PLXNA4: variants seen among roughly 807,000 people sequenced by gnomAD.
PLXNA4 encodes the protein plexin A4.
Under a neutral mutation model 191.8 loss-of-function variants are expected in PLXNA4, and 44 were observed. The observed-to-expected ratio is 0.23, with a 90% CI of 0.18 to 0.29. The LOEUF (loss-of-function observed/expected upper bound fraction) is 0.29, where lower values mean the gene tolerates loss of function less well. Among genes scored for constraint, PLXNA4 ranks in the 10% least tolerant of loss-of-function variants. The probability of loss-of-function intolerance (pLI) is 1.00; values close to 1 mark genes in which losing one functional copy is unlikely to be tolerated. For missense variants in PLXNA4, 1,800 were observed against 2,488.8 expected (o/e 0.72, Z 5.89); for synonymous variants, 1,082 against 1,009.5 (o/e 1.07, Z -1.36).
chr7:132,591,263 G>A (rs1297933319), intron 2 of PLXNA4, among the ~76,000 whole-genome samples: 2 of 152,324 alleles, frequency 1.3e-5, no homozygotes, highest in East Asian at 3.9e-4. Flanking sequence ...AAAAGCGAAT[G>A]CACTGTAATT....
chr7:132,159,084 C>T (rs909403117), intron 25 of PLXNA4, among the ~76,000 whole-genome samples: 3 of 152,204 alleles, frequency 2.0e-5, no homozygotes, highest in Admixed American at 1.3e-4. Flanking sequence ...ACAACAGAGG[C>T]GGTGGCAGGA....
Position 132,123,990 on chromosome 7 carries a change from T to G in PLXNA4, c.*6489A>C, listed in dbSNP as rs1380919969. On this transcript the variant is annotated 3_prime_UTR_variant, in exon 32 of 32. Transcript: ENST00000321063. ...TTGCTATGGTAACTCAGCAGGACCC[T>G]GCTGGAAGAGATGGGCTGGCCCCTA... 6.6e-6 allele frequency: 1 copy of G among 152,292 alleles called. No individual in the cohort carries two copies. The highest frequency in any genetic ancestry group is 2.4e-5 in the African/African-American group (1 of 41,454). 9.4% of individuals were successfully genotyped at this position (152,292 alleles called of 1,614,324 possible). A position where few individuals can be genotyped will look rare whatever the true frequency, so the allele number is the denominator to read the frequency against.
intron 2 of PLXNA4, among the ~76,000 whole-genome samples, chr7:132,633,049 T>C (rs1473797690): frequency 6.6e-6 from 1 of 152,058 alleles, no homozygotes; most frequent in Non-Finnish European, 1.5e-5. Flanking sequence ...TCCAAGGCAT[T>C]CTCCATTCTA....
In PLXNA4 at chr7:132,493,406, C is replaced by A. The variant is rs76868696; in HGVS notation, c.1189-3932G>T. 9.3e-3 allele frequency among the ~76,000 whole-genome samples: 1,412 copies of A among 152,276 alleles called. 19 individuals carry two copies. The highest frequency in any genetic ancestry group is 0.032 in the African/African-American group (1,348 of 41,550). ...TACTCTCACAAGGAAAGGAAATAAG[C>A]ACCCATTAAATGAGAATTTATATGG... On this transcript the variant is annotated intron_variant, in intron 2 of 31. Transcript: ENST00000321063.
intron 2 of PLXNA4, among the ~76,000 whole-genome samples, chr7:132,640,087 T>C (rs898441920): frequency 6.6e-6 from 1 of 152,256 alleles, no homozygotes; most frequent in Non-Finnish European, 1.5e-5. Context: ...ATCTGAAGCA[T>C]ACATGAGATA....
At chr7:132,153,226 G>T (rs533976298) in intron 25 of PLXNA4, among the ~76,000 whole-genome samples, 2 of 152,288 alleles carry the variant, frequency 1.3e-5, no homozygotes, top group African/African-American at 4.8e-5. Flanking sequence ...TGGCACTCAT[G>T]TTGTAGTTCT....
chr7:132,288,943 G>A (rs537440933), intron 4 of PLXNA4, among the ~76,000 whole-genome samples: 4 of 152,176 alleles, frequency 2.6e-5, no homozygotes, highest in Non-Finnish European at 5.9e-5. Context: ...ACACTGAGGT[G>A]CAAAGAAATG....
intron 3 of PLXNA4, among the ~76,000 whole-genome samples, chr7:132,390,221 G>A (rs778532060): frequency 5.3e-5 from 8 of 152,252 alleles, no homozygotes; most frequent in Middle Eastern, 3.4e-3. Flanking sequence ...TACATACCAT[G>A]GAATACTATG....
intron 3 of PLXNA4, among the ~76,000 whole-genome samples, chr7:132,348,829 C>T (rs189365187): frequency 1.1e-4 from 16 of 152,274 alleles, no homozygotes; most frequent in African/African-American, 3.9e-4. Context: ...CACCTCAGGT[C>T]CTAGGGGTAG....
At chr7:132,498,674 T>C (rs948796756) in intron 2 of PLXNA4, among the ~76,000 whole-genome samples, 3 of 152,116 alleles carry the variant, frequency 2.0e-5, no homozygotes, top group South Asian at 2.1e-4. Flanking sequence ...AGGCATCCAC[T>C]GGGGGACTTG....
chr7:132,239,678 T>A (rs1259228365), intron 5 of PLXNA4, among the ~76,000 whole-genome samples: 6 of 152,224 alleles, frequency 3.9e-5, no homozygotes, highest in African/African-American at 1.4e-4. Flanking sequence ...CCAATCTGCA[T>A]TCTGAATGCA....
intron 3 of PLXNA4, among the ~76,000 whole-genome samples, chr7:132,323,704 C>T (rs1802262617): frequency 6.6e-6 from 1 of 152,172 alleles, no homozygotes; most frequent in Admixed American, 6.5e-5. Context: ...AGCCATGCTT[C>T]TGGGTTCTGC....
At position 132,253,362 on chromosome 7, in the gene PLXNA4, A is replaced by C. The variant is rs372274763; in HGVS notation, c.1504-12196T>G. Among the ~76,000 whole-genome samples the C allele has an allele frequency of 6.3e-4, 95 of 151,634 alleles. 1 individual carries two copies. The South Asian group carries it at 0.019, about 31-fold the overall frequency. ...GCAATTATCCCACCTCAGCCTCCTG[A>C]GTAGCTGAGACTACAGACACACACC... On this transcript the variant is annotated intron_variant, in intron 4 of 31. Transcript: ENST00000321063.
chr7:132,473,855 G>A (rs79299678), intron 3 of PLXNA4, among the ~76,000 whole-genome samples: 15 of 145,940 alleles, frequency 1.0e-4, no homozygotes, highest in Non-Finnish European at 1.0e-4. Flanking sequence ...TCTCAAACAA[G>A]AAAAAAAAAA....
intron 20 of PLXNA4, 79 bp from the exon 21 acceptor site, chr7:132,174,999 C>T: frequency 6.3e-7 from 1 of 1,578,640 alleles, no homozygotes; most frequent in Non-Finnish European, 8.6e-7. Flanking sequence ...GCTCAGAACC[C>T]TTACCCAAGC....
Position 132,439,220 on chromosome 7 carries a change from A to G in PLXNA4, c.1371+50072T>C, listed in dbSNP as rs543644693. Among the ~76,000 whole-genome samples, 32 of 152,296 alleles carry G rather than the reference A, an allele frequency of 2.1e-4. 1 individual carries two copies. Among genetic ancestry groups the G allele is most frequent in the African/African-American group, 7.7e-4 (32 of 41,572 alleles). ...TGCCGGAGCTTCAGACACGTGGCCCACAGGTGCAACAAACCCACCTTGCTT... is the reference window on the plus strand; with the variant it reads ...TGCCGGAGCTTCAGACACGTGGCCCGCAGGTGCAACAAACCCACCTTGCTT... On this transcript the variant is annotated intron_variant, in intron 3 of 31. Coordinates refer to ENST00000321063, the MANE Select transcript of PLXNA4 (RefSeq NM_020911.2).
chr7:132,502,251 C>T (rs1798287040), intron 2 of PLXNA4, among the ~76,000 whole-genome samples: 1 of 152,162 alleles, frequency 6.6e-6, no homozygotes, highest in Non-Finnish European at 1.5e-5. Context: ...GTCTCCTGCT[C>T]AGGACTGCCA....
At chr7:132,379,544 G>A (rs1804804461) in intron 3 of PLXNA4, among the ~76,000 whole-genome samples, 1 of 152,138 alleles carries the variant, frequency 6.6e-6, no homozygotes, top group Non-Finnish European at 1.5e-5. Context: ...TCTCTGTATT[G>A]TGATCTATTT....
At chr7:132,201,816 T>C (rs891432319) in intron 12 of PLXNA4, among the ~76,000 whole-genome samples, 4 of 152,190 alleles carry the variant, frequency 2.6e-5, no homozygotes, top group Non-Finnish European at 5.9e-5. Flanking sequence ...CCAGGGGCAG[T>C]GATTTCCTTG....
Sources: gnomAD v4.1 joint callset for allele counts (sites outside exome capture counted in the v4.1 genomes callset) on GRCh38, gnomAD v4.1.1 for gene constraint, MANE v1.5 for transcripts, NCBI Gene and HGNC (gene_info 2026-07-23, HGNC 2026-07-21) for gene names.